Variants in ZSWIM6 observed in about 807,000 individuals in gnomAD.
ZSWIM6 encodes the protein zinc finger SWIM-type containing 6, also known as zinc finger SWIM domain-containing protein 6.
ZSWIM6 carries 9 observed loss-of-function variants against 113.2 expected under a neutral mutation model. The observed-to-expected ratio is 0.08, with a 90% CI of 0.05 to 0.14. ZSWIM6 has a LOEUF of 0.14. Ranked by LOEUF, ZSWIM6 falls within the 10% of genes least tolerant of loss-of-function variation. ZSWIM6 has a pLI of 1.00. For synonymous variants in ZSWIM6, 611 were observed against 606.5 expected (o/e 1.01, Z -0.11); for missense variants, 1,162 against 1,552.2 (o/e 0.75, Z 4.22).
intron 7 of ZSWIM6, among the ~76,000 whole-genome samples, chr5:61,529,146 G>A (rs1463395070): frequency 2.0e-5 from 3 of 152,200 alleles, no homozygotes; most frequent in African/African-American, 7.2e-5. Flanking sequence ...GGTGGAGGTT[G>A]CAGTGAGCCA....
intron 1 of ZSWIM6, among the ~76,000 whole-genome samples, chr5:61,363,806 CTG>C (rs916312369): frequency 6.6e-6 from 1 of 152,010 alleles, no homozygotes; most frequent in African/African-American, 2.4e-5. Context: ...TAAGTAGTCT[CTG>C]TAGGATAGTT....
chr5:61,431,714 C>T (rs1746586139), intron 1 of ZSWIM6, among the ~76,000 whole-genome samples: 1 of 152,030 alleles, frequency 6.6e-6, no homozygotes, highest in African/African-American at 2.4e-5. Flanking sequence ...CACTGCACTC[C>T]AGCCTGGGCG....
intron 1 of ZSWIM6, among the ~76,000 whole-genome samples, chr5:61,455,069 T>A (rs747263903): frequency 6.6e-6 from 1 of 151,948 alleles, no homozygotes; most frequent in Non-Finnish European, 1.5e-5. Flanking sequence ...GGTATTTGTC[T>A]TGGGGAAAAA....
chr5:61,515,992 A>G (rs1030015538), intron 4 of ZSWIM6, among the ~76,000 whole-genome samples: 1 of 151,712 alleles, frequency 6.6e-6, no homozygotes, highest in Non-Finnish European at 1.5e-5. Context: ...GCTTTATTTT[A>G]TAGTGTTTTT....
At chr5:61,505,502 A>C (rs1412240688) in intron 4 of ZSWIM6, among the ~76,000 whole-genome samples, 1 of 152,114 alleles carries the variant, frequency 6.6e-6, no homozygotes. Context: ...CAACAAATCA[A>C]ATGGAATGGG....
At chr5:61,402,906 G>A (rs762247335) in intron 1 of ZSWIM6, among the ~76,000 whole-genome samples, 12 of 152,286 alleles carry the variant, frequency 7.9e-5, no homozygotes, top group Middle Eastern at 3.4e-3. Context: ...TAATTTAATT[G>A]TGTAGCATTC....
chr5:61,377,614 G>T (rs1305444490), intron 1 of ZSWIM6, among the ~76,000 whole-genome samples: 2 of 151,860 alleles, frequency 1.3e-5, no homozygotes, highest in Non-Finnish European at 2.9e-5. Context: ...CTACTCAGGA[G>T]ACTGAGGCAG....
At chr5:61,354,101 C>T (rs1744848095) in intron 1 of ZSWIM6, among the ~76,000 whole-genome samples, 1 of 152,188 alleles carries the variant, frequency 6.6e-6, no homozygotes, top group African/African-American at 2.4e-5. Flanking sequence ...CAGGCAGCAT[C>T]CAGGAATGGT....
At chr5:61,535,375 T>G (rs976318420) in intron 9 of ZSWIM6, 109 bp from the exon 10 acceptor site, 44 of 1,291,512 alleles carry the variant, frequency 3.4e-5, no homozygotes, top group Non-Finnish European at 4.6e-5. Flanking sequence ...TTACTTGAAA[T>G]TCTTATTTGT....
At chr5:61,466,409 A>G (rs1395861536) in intron 1 of ZSWIM6, among the ~76,000 whole-genome samples, 1 of 152,232 alleles carries the variant, frequency 6.6e-6, no homozygotes, top group East Asian at 1.9e-4. Context: ...CCTTTCAGCC[A>G]TAACATTACA....
chr5:61,345,888 G>C lies in ZSWIM6; in HGVS notation c.676+12940G>C, dbSNP rs117482093. ...GCTTATGTTGAGGGATTTAGTGAAA[G>C]GTGAATTGCTTGGTCTAGTATACAA... On this transcript the variant is annotated intron_variant, in intron 1 of 13. Coordinates refer to ENST00000252744, the MANE Select transcript of ZSWIM6 (RefSeq NM_020928.2). Among the ~76,000 whole-genome samples, 143 of 152,290 alleles carry C rather than the reference G, an allele frequency of 9.4e-4. 2 individuals carry two copies. In the East Asian group the frequency reaches 0.027, roughly 29 times the overall value.
Position 61,494,368 on chromosome 5 carries a change from A to G in ZSWIM6, c.1291A>G (p.Thr431Ala), listed in dbSNP as rs1332596435. 1 of 1,551,120 alleles carries G rather than the reference A, an allele frequency of 6.4e-7. No homozygotes were observed. Among genetic ancestry groups the G allele is most frequent in the South Asian group, 1.2e-5 (1 of 84,052 alleles). The change falls in exon 4 of 14, where the codon ACT becomes GCT. Residue 431 changes from threonine to alanine, a missense_variant. Thr to Ala is a moderately conservative substitution (Grantham distance 58, BLOSUM62 0). Coordinates refer to ENST00000252744, the MANE Select transcript of ZSWIM6 (RefSeq NM_020928.2). ...PRLSLWRQQG[T>A]AMTDKYRQLW... ...CCTGTCACTTTGGCGGCAACAAGGC[A>G]CTGCAATGACTGACAAATACAGGCA...
chr5:61,487,459 G>A (rs552652432), intron 2 of ZSWIM6, among the ~76,000 whole-genome samples: 5 of 152,000 alleles, frequency 3.3e-5, no homozygotes, highest in Non-Finnish European at 4.4e-5. Flanking sequence ...TAAAGATTGC[G>A]TTGAATCTGT....
intron 1 of ZSWIM6, among the ~76,000 whole-genome samples, chr5:61,441,588 A>G (rs1746835428): frequency 6.6e-6 from 1 of 152,194 alleles, no homozygotes; most frequent in South Asian, 2.1e-4. Flanking sequence ...TCCTATATGT[A>G]GGAAATTAAG....
chr5:61,356,731 A>AATATATATATTATAT (rs55676864), intron 1 of ZSWIM6, among the ~76,000 whole-genome samples: 1 of 131,390 alleles, frequency 7.6e-6, no homozygotes. Context: ...CATAATATAT[A>AATATATATATTATAT]ATATATATTA....
chr5:61,473,618 A>AT (rs1335055274), intron 2 of ZSWIM6, among the ~76,000 whole-genome samples: 2 of 152,210 alleles, frequency 1.3e-5, no homozygotes, highest in Non-Finnish European at 2.9e-5. Flanking sequence ...CAGTGCAAAT[A>AT]TGTCAACTCA....
chr5:61,499,694 TAG>T (rs1189955200), intron 4 of ZSWIM6, among the ~76,000 whole-genome samples: 1 of 151,820 alleles, frequency 6.6e-6, no homozygotes, highest in African/African-American at 2.4e-5. Context: ...TGGAGGAGAG[TAG>T]AGAGCCTTCA....
At chr5:61,458,925 A>G (rs1422113766) in intron 1 of ZSWIM6, among the ~76,000 whole-genome samples, 1 of 151,978 alleles carries the variant, frequency 6.6e-6, no homozygotes, top group Non-Finnish European at 1.5e-5. Context: ...CTCGAGGTAA[A>G]CAGCTAATTG....
chr5:61,349,015 C>A (rs1052663887), intron 1 of ZSWIM6, among the ~76,000 whole-genome samples: 42 of 152,076 alleles, frequency 2.8e-4, no homozygotes, highest in African/African-American at 9.9e-4. Flanking sequence ...AATGAGAAAT[C>A]AGAATATCCT....
Sources: gnomAD v4.1 joint callset for allele counts (sites outside exome capture counted in the v4.1 genomes callset) on GRCh38, gnomAD v4.1.1 for gene constraint, MANE v1.5 for transcripts, NCBI Gene and HGNC (gene_info 2026-07-23, HGNC 2026-07-21) for gene names.